The following GRM7 variants were observed in gnomAD, a reference collection of about 807,000 sequenced individuals.
GRM7 encodes glutamate metabotropic receptor 7.
A neutral mutation model predicts 84.5 loss-of-function variants in GRM7; 35 were observed. The observed-to-expected ratio is 0.41, with a 90% confidence interval of 0.32 to 0.55. GRM7 has a LOEUF of 0.55. Among genes scored for constraint, GRM7 ranks in the 20% least tolerant of loss-of-function variants. GRM7 has a pLI of 0.19. For synonymous variants in GRM7, 487 were observed against 455.1 expected (o/e 1.07, Z -0.89); for missense variants, 1,003 against 1,194.6 (o/e 0.84, Z 2.36).
chr3:7,425,822 G>C (rs570164738), intron 5 of GRM7, among the ~76,000 whole-genome samples: 1 of 152,128 alleles, frequency 6.6e-6, no homozygotes, highest in African/African-American at 2.4e-5. Context: ...AAGCTGAAAT[G>C]GTTCTCCTTT....
chr3:6,974,176 A>G (rs963484170), intron 1 of GRM7, among the ~76,000 whole-genome samples: 1 of 152,240 alleles, frequency 6.6e-6, no homozygotes, highest in Non-Finnish European at 1.5e-5. Flanking sequence ...ATCAGCCTGA[A>G]CAACAGAGAG....
chr3:6,992,753 A>G (rs1694692074), intron 1 of GRM7, among the ~76,000 whole-genome samples: 1 of 152,186 alleles, frequency 6.6e-6, no homozygotes, highest in African/African-American at 2.4e-5. Context: ...GCTTAGAACA[A>G]CAAGAGTTGG....
intron 7 of GRM7, among the ~76,000 whole-genome samples, chr3:7,492,510 T>C (rs958360228): frequency 6.6e-6 from 1 of 152,132 alleles, no homozygotes; most frequent in Non-Finnish European, 1.5e-5. Flanking sequence ...TGGTTGGTTG[T>C]TGTTCTATTT....
At chr3:7,493,281 T>A (rs1423080234) in intron 7 of GRM7, among the ~76,000 whole-genome samples, 3 of 152,076 alleles carry the variant, frequency 2.0e-5, no homozygotes, top group Non-Finnish European at 2.9e-5. Context: ...TCAGCTGTAA[T>A]TGTGGATTTG....
At chr3:7,140,638 T>C (rs981571174) in intron 1 of GRM7, among the ~76,000 whole-genome samples, 1 of 152,060 alleles carries the variant, frequency 6.6e-6, no homozygotes, top group African/African-American at 2.4e-5. Context: ...GTTTCACACA[T>C]GGGAAGACAC....
chr3:7,313,349 A>T (rs1366169339), intron 4 of GRM7, among the ~76,000 whole-genome samples: 1 of 152,178 alleles, frequency 6.6e-6, no homozygotes, highest in African/African-American at 2.4e-5. Flanking sequence ...GAAAAAGCAA[A>T]AAGCCTAGGC....
intron 4 of GRM7, among the ~76,000 whole-genome samples, chr3:7,352,456 A>T (rs1158818850): frequency 6.6e-6 from 1 of 152,134 alleles, no homozygotes; most frequent in East Asian, 1.9e-4. Flanking sequence ...CCAGATGCAC[A>T]TACATAGCCT....
intron 9 of GRM7, among the ~76,000 whole-genome samples, chr3:7,708,557 G>A (rs149521050): frequency 2.6e-4 from 39 of 152,276 alleles, no homozygotes; most frequent in Non-Finnish European, 4.7e-4. Flanking sequence ...AGTATAAGGT[G>A]CATTTAACTT....
chr3:7,588,987 G>A (rs1695650139), intron 8 of GRM7, among the ~76,000 whole-genome samples: 1 of 152,200 alleles, frequency 6.6e-6, no homozygotes, highest in Admixed American at 6.5e-5. Flanking sequence ...AGATTGTAAT[G>A]ATTGGGTTTT....
rs562623081 is a variant in GRM7, at chr3:7,129,988, G to A, written c.520-16464G>A. On this transcript the variant is annotated intron_variant, in intron 1 of 9. Transcript: ENST00000357716. ...TAGATTTTTGGAAACATCACTACACGACCTAGTCAAGAGATGTGATTCGAA... is the reference window on the plus strand; with the variant it reads ...TAGATTTTTGGAAACATCACTACACAACCTAGTCAAGAGATGTGATTCGAA... 6.6e-5 allele frequency among the ~76,000 whole-genome samples: 10 copies of A among 152,200 alleles called. No individual in the cohort carries two copies. In the East Asian group the frequency reaches 1.4e-3, roughly 21 times the overall value.
intron 2 of GRM7, among the ~76,000 whole-genome samples, chr3:7,295,676 G>T (rs1699788894): frequency 6.6e-6 from 1 of 152,086 alleles, no homozygotes; most frequent in Non-Finnish European, 1.5e-5. Flanking sequence ...GCCTAAGCAG[G>T]ACTGGTTTTT....
intron 4 of GRM7, among the ~76,000 whole-genome samples, chr3:7,385,636 C>A (rs1038252810): frequency 1.3e-5 from 2 of 152,068 alleles, no homozygotes; most frequent in East Asian, 1.9e-4. Context: ...AGTATCAAAG[C>A]AATAGATTTA....
intron 1 of GRM7, among the ~76,000 whole-genome samples, chr3:7,069,233 C>G (rs1246810408): frequency 1.3e-5 from 2 of 151,832 alleles, no homozygotes; most frequent in East Asian, 3.9e-4. Flanking sequence ...GAAGATTGTT[C>G]GCACTGCTAG....
chr3:7,398,490 T>C (rs933698754), intron 4 of GRM7, among the ~76,000 whole-genome samples: 1 of 152,148 alleles, frequency 6.6e-6, no homozygotes, highest in African/African-American at 2.4e-5. Context: ...GGGCTATCCC[T>C]AAGATATGGC....
In GRM7 at chr3:7,084,268, G is replaced by A. The variant is rs569938024; in HGVS notation, c.520-62184G>A. On this transcript the variant is annotated intron_variant, in intron 1 of 9. Transcript: ENST00000357716. ...TACAGGATGGCATTTCTCAAGCATG[G>A]TTCCTGGGGCAGCTACAGCAACATC... Among the ~76,000 whole-genome samples the A allele has an allele frequency of 1.7e-4, 26 of 152,184 alleles. No individual in the cohort carries two copies. The South Asian group carries it at 4.8e-3, about 28-fold the overall frequency.
At chr3:7,337,555 A>C (rs1289965630) in intron 4 of GRM7, among the ~76,000 whole-genome samples, 1 of 152,052 alleles carries the variant, frequency 6.6e-6, no homozygotes, top group Non-Finnish European at 1.5e-5. Flanking sequence ...AAGGAACTCA[A>C]ATCAACAGGA....
intron 2 of GRM7, among the ~76,000 whole-genome samples, chr3:7,221,457 T>A (rs1696798245): frequency 6.6e-6 from 1 of 152,128 alleles, no homozygotes; most frequent in Admixed American, 6.5e-5. Flanking sequence ...CAGCACATAG[T>A]TTTCTACTTT....
At chr3:6,889,564 G>C (rs779110389) in intron 1 of GRM7, among the ~76,000 whole-genome samples, 1 of 152,112 alleles carries the variant, frequency 6.6e-6, no homozygotes, top group Admixed American at 6.6e-5. Flanking sequence ...AACCAGCCTT[G>C]CATCCCAGGG....
chr3:7,691,747 G>A (rs2125151359), intron 9 of GRM7, among the ~76,000 whole-genome samples: 1 of 152,252 alleles, frequency 6.6e-6, no homozygotes, highest in East Asian at 1.9e-4. Context: ...TGCAACGTCT[G>A]CCTCCTGGGT....
Sources: allele counts gnomAD v4.1 joint callset (sites outside exome capture counted in the v4.1 genomes callset), GRCh38; gene constraint gnomAD v4.1.1; transcripts MANE v1.5; gene names NCBI Gene and HGNC (gene_info 2026-07-23, HGNC 2026-07-21).